ROBO2: variants seen among roughly 807,000 people sequenced by gnomAD.
ROBO2 encodes the protein roundabout homolog 2.
In ROBO2, 53 loss-of-function variants were observed where a neutral mutation model predicts 160.8. That is an observed-to-expected ratio of 0.33 (90% CI 0.26 to 0.41). The LOEUF (loss-of-function observed/expected upper bound fraction) is 0.41. Ranked by LOEUF, ROBO2 falls within the 10% of genes least tolerant of loss-of-function variation. The probability of loss-of-function intolerance (pLI) is 1.00; values close to 1 mark genes in which losing one functional copy is unlikely to be tolerated. For missense variants in ROBO2, 1,577 were observed against 1,722.4 expected, an observed-to-expected ratio of 0.92 and a Z score of 1.49; for synonymous variants, 664 against 611.7, an observed-to-expected ratio of 1.09 and a Z score of -1.26.
chr3:76,997,105 TA>T (rs2061058790), intron 2 of ROBO2, among the ~76,000 whole-genome samples: 1 of 152,192 alleles, frequency 6.6e-6, no homozygotes, highest in Admixed American at 6.5e-5. Flanking sequence ...AGTTATATGC[TA>T]CTCCATATTT....
intron 2 of ROBO2, among the ~76,000 whole-genome samples, chr3:76,348,698 A>G (rs1308771491): frequency 2.6e-5 from 4 of 152,136 alleles, no homozygotes; most frequent in African/African-American, 7.2e-5. Context: ...CTGCTTCTCC[A>G]TCTCCCCTTC....
intron 2 of ROBO2, among the ~76,000 whole-genome samples, chr3:76,753,575 A>G (rs956945941): frequency 1.1e-4 from 17 of 151,986 alleles, no homozygotes; most frequent in African/African-American, 3.1e-4. Flanking sequence ...TATCTAAAAC[A>G]ATTTCTTCAA....
intron 2 of ROBO2, among the ~76,000 whole-genome samples, chr3:76,676,443 T>C (rs1355739573): frequency 1.3e-5 from 2 of 152,156 alleles, no homozygotes; most frequent in Non-Finnish European, 2.9e-5. Flanking sequence ...AACTGCCTCT[T>C]CTTGGGCAGT....
At chr3:77,111,548 T>C (rs1359186526) in intron 2 of ROBO2, among the ~76,000 whole-genome samples, 1 of 152,232 alleles carries the variant, frequency 6.6e-6, no homozygotes, top group Non-Finnish European at 1.5e-5. Flanking sequence ...TTCATGTATT[T>C]ACTGTTTTAA....
At chr3:77,223,852 T>C (rs980421977) in intron 2 of ROBO2, among the ~76,000 whole-genome samples, 4 of 143,926 alleles carry the variant, frequency 2.8e-5, no homozygotes, top group African/African-American at 7.4e-5. Context: ...ATTATATCAG[T>C]CTGATTTGGT....
chr3:76,095,560 T>C (rs2069406756), intron 2 of ROBO2, among the ~76,000 whole-genome samples: 1 of 152,100 alleles, frequency 6.6e-6, no homozygotes, highest in African/African-American at 2.4e-5. Flanking sequence ...GCTCCATGGT[T>C]GTCTATATAT....
intron 2 of ROBO2, among the ~76,000 whole-genome samples, chr3:76,655,795 A>C (rs7651621): frequency 0.82 from 122,372 of 149,766 alleles, 50,171 homozygotes; most frequent in South Asian, 0.93. Context: ...GAAGGGGGTC[A>C]AATCATTCCC....
chr3:76,108,257 C>A (rs1226424176), intron 2 of ROBO2, among the ~76,000 whole-genome samples: 2 of 151,940 alleles, frequency 1.3e-5, no homozygotes, highest in East Asian at 3.9e-4. Flanking sequence ...ACTTTTTGCT[C>A]ATCTTATAAA....
intron 2 of ROBO2, among the ~76,000 whole-genome samples, chr3:77,236,282 A>G (rs997886171): frequency 1.3e-5 from 2 of 152,324 alleles, no homozygotes; most frequent in Non-Finnish European, 2.9e-5. Context: ...CCATGATAAG[A>G]TAAGAGTTGT....
intron 2 of ROBO2, among the ~76,000 whole-genome samples, chr3:76,186,096 C>T (rs759762467): frequency 5.9e-5 from 9 of 151,720 alleles, no homozygotes; most frequent in Non-Finnish European, 1.0e-4. Flanking sequence ...CCACACCTGA[C>T]TAATTTTTGT....
At chr3:76,087,470 A>G (rs1315198804) in intron 2 of ROBO2, among the ~76,000 whole-genome samples, 2 of 152,022 alleles carry the variant, frequency 1.3e-5, no homozygotes, top group African/African-American at 4.8e-5. Context: ...CTCAAACATA[A>G]ATTGAGAGAA....
At chr3:76,835,537 A>G (rs1042171046) in intron 2 of ROBO2, among the ~76,000 whole-genome samples, 1 of 150,846 alleles carries the variant, frequency 6.6e-6, no homozygotes, top group Non-Finnish European at 1.5e-5. Context: ...GTCACAAACA[A>G]TTTTTCATTG....
chr3:76,851,524 A>G (rs2069349250), intron 2 of ROBO2, among the ~76,000 whole-genome samples: 1 of 151,340 alleles, frequency 6.6e-6, no homozygotes, highest in Non-Finnish European at 1.5e-5. Flanking sequence ...TCATGAGGTC[A>G]GGAGATCGAG....
At chr3:76,870,574 CTAT>C (rs2071923257) in intron 2 of ROBO2, among the ~76,000 whole-genome samples, 1 of 152,214 alleles carries the variant, frequency 6.6e-6, no homozygotes, top group Non-Finnish European at 1.5e-5. Flanking sequence ...TCTCACTAGA[CTAT>C]GAACACCTAG....
At chr3:76,822,836 CT>C (rs1272214690) in intron 2 of ROBO2, among the ~76,000 whole-genome samples, 1 of 151,780 alleles carries the variant, frequency 6.6e-6, no homozygotes, top group Non-Finnish European at 1.5e-5. Context: ...TTTTATTCTT[CT>C]TTACTTCTTT....
intron 2 of ROBO2, among the ~76,000 whole-genome samples, chr3:76,692,005 G>A (rs1438681068): frequency 6.6e-6 from 1 of 152,130 alleles, no homozygotes; most frequent in Admixed American, 6.6e-5. Context: ...TGTGTGTGTA[G>A]GAGCTCATTA....
At chr3:76,227,869 T>C (rs1704385491) in intron 2 of ROBO2, among the ~76,000 whole-genome samples, 1 of 152,196 alleles carries the variant, frequency 6.6e-6, no homozygotes, top group Non-Finnish European at 1.5e-5. Flanking sequence ...TAATCACTTT[T>C]TTAGTGCCAA....
intron 2 of ROBO2, among the ~76,000 whole-genome samples, chr3:76,345,436 T>C (rs201452568): frequency 9.3e-6 from 1 of 107,520 alleles, no homozygotes; most frequent in South Asian, 3.9e-4. Flanking sequence ...TTTTTTCTTT[T>C]CTTTCTTTTT....
intron 2 of ROBO2, among the ~76,000 whole-genome samples, chr3:77,390,157 C>T (rs2074570529): frequency 1.3e-5 from 2 of 152,172 alleles, no homozygotes; most frequent in Non-Finnish European, 2.9e-5. Flanking sequence ...TCCGCCCCTT[C>T]TTCCACCTTA....
Sources: allele counts gnomAD v4.1 joint callset (sites outside exome capture counted in the v4.1 genomes callset), GRCh38; gene constraint gnomAD v4.1.1; transcripts MANE v1.5; gene names NCBI Gene and HGNC (gene_info 2026-07-23, HGNC 2026-07-21).